JARID2: variants seen among roughly 807,000 people sequenced by gnomAD.
JARID2 encodes the protein protein Jumonji.
Under a neutral mutation model 125.6 loss-of-function variants are expected in JARID2, and 21 were observed. The ratio of observed to expected loss-of-function variants is 0.17; its 90% CI spans 0.12 to 0.24. The LOEUF is 0.24. JARID2 is among the 10% of genes least tolerant of loss of function. The pLI, the probability that JARID2 is intolerant of heterozygous loss-of-function variation, is 1.00. For synonymous variants in JARID2, 736 were observed against 661.6 expected (o/e 1.11, Z -1.73); for missense variants, 1,303 against 1,639.6 (o/e 0.79, Z 3.55).
At chr6:15,499,119 G>A (rs1031563004) in intron 7 of JARID2, among the ~76,000 whole-genome samples, 3 of 152,176 alleles carry the variant, frequency 2.0e-5, no homozygotes, top group African/African-American at 7.2e-5. Context: ...AGTCTAAGGC[G>A]TCTGACATTC....
intron 1 of JARID2, among the ~76,000 whole-genome samples, chr6:15,257,804 A>ATG (rs1223567052): frequency 7.9e-5 from 12 of 152,180 alleles, no homozygotes; most frequent in African/African-American, 2.4e-4. Context: ...AGTAGTAAAG[A>ATG]TGTCAGTTGA....
rs142198504 is a variant in JARID2 at position 15,451,032 on chromosome 6, G to A, written c.324-974G>A. Among the ~76,000 whole-genome samples the A allele has an allele frequency of 6.4e-3, 970 of 152,204 alleles. 15 individuals carry two copies. The highest frequency in any genetic ancestry group is 0.022 in the African/African-American group (907 of 41,530). ...ACCAAAATTAGCTGGGCGTGGTGGT[G>A]CACGCCTGTAATCCCAGCTACTCAG... is the stretch of plus-strand genomic sequence containing the variant. On this transcript the variant is annotated intron_variant, in intron 3 of 17. Coordinates refer to ENST00000341776, the MANE Select transcript of JARID2 (RefSeq NM_004973.4).
intron 3 of JARID2, among the ~76,000 whole-genome samples, chr6:15,414,986 G>A (rs1037930894): frequency 3.3e-5 from 5 of 152,076 alleles, no homozygotes; most frequent in South Asian, 2.1e-4. Flanking sequence ...TGTGTCCCTG[G>A]GTACTTGAGA....
chr6:15,511,737 C>T (rs139688538), intron 13 of JARID2, among the ~76,000 whole-genome samples: 1 of 152,190 alleles, frequency 6.6e-6, no homozygotes, highest in African/African-American at 2.4e-5. Flanking sequence ...TTCAGGAAGT[C>T]ATGGGGCTGG....
intron 1 of JARID2, among the ~76,000 whole-genome samples, chr6:15,289,663 G>A (rs1761133493): frequency 6.6e-6 from 1 of 152,114 alleles, no homozygotes; most frequent in Non-Finnish European, 1.5e-5. Context: ...GACCAGCTTT[G>A]TCAACAAGGT....
chr6:15,322,176 G>C (rs1762382550), intron 1 of JARID2, among the ~76,000 whole-genome samples: 1 of 152,158 alleles, frequency 6.6e-6, no homozygotes, highest in Admixed American at 6.5e-5. Context: ...ACACATAATT[G>C]TAATTTCAAA....
chr6:15,271,159 C>T (rs564900808), intron 1 of JARID2, among the ~76,000 whole-genome samples: 32 of 152,072 alleles, frequency 2.1e-4, no homozygotes, highest in South Asian at 4.2e-4. Flanking sequence ...TATACTTGTC[C>T]GATTGGAGAT....
At position 15,420,345 on chromosome 6, in the gene JARID2, G is replaced by A. The variant is rs374658341; in HGVS notation, c.323+9980G>A. Among the ~76,000 whole-genome samples, 3 of 151,420 alleles carry A rather than the reference G, an allele frequency of 2.0e-5. 1 individual carries two copies. Among genetic ancestry groups the A allele is most frequent in the African/African-American group, 7.3e-5 (3 of 41,242 alleles). On this transcript the variant is annotated intron_variant, in intron 3 of 17. Coordinates refer to ENST00000341776, the MANE Select transcript of JARID2 (RefSeq NM_004973.4). ...TTGAACCCAGGAGGCGGAGGTTGCAGTGAGCCAAGATCACACCACTGCACT... is the reference window on the plus strand; with the variant it reads ...TTGAACCCAGGAGGCGGAGGTTGCAATGAGCCAAGATCACACCACTGCACT...
chr6:15,415,290 C>T (rs1207767302), intron 3 of JARID2, among the ~76,000 whole-genome samples: 8 of 152,374 alleles, frequency 5.3e-5, no homozygotes, highest in East Asian at 1.9e-4. Flanking sequence ...TCCACAAAAC[C>T]GCCATTGTCA....
chr6:15,267,446 C>G (rs1166908984), intron 1 of JARID2, among the ~76,000 whole-genome samples: 1 of 152,088 alleles, frequency 6.6e-6, no homozygotes. Context: ...AGGAGGGAAC[C>G]GATACCTTCT....
intron 2 of JARID2, among the ~76,000 whole-genome samples, chr6:15,398,224 C>A (rs1765289955): frequency 6.6e-6 from 1 of 152,234 alleles, no homozygotes; most frequent in Non-Finnish European, 1.5e-5. Context: ...TTCTTTATAT[C>A]CTTAAAAATT....
intron 2 of JARID2, among the ~76,000 whole-genome samples, chr6:15,404,520 CACACACA>C (rs1561840084): frequency 8.8e-3 from 3 of 340 alleles, no homozygotes; most frequent in Non-Finnish European, 9.8e-3. Context: ...TCTTAAAGTG[CACACACA>C]CACACACACA....
At chr6:15,259,078 TTTA>T (rs1240791587) in intron 1 of JARID2, among the ~76,000 whole-genome samples, 8 of 152,224 alleles carry the variant, frequency 5.3e-5, no homozygotes, top group African/African-American at 1.9e-4. Flanking sequence ...GGATGGGATT[TTTA>T]TCTTCCCTCT....
At chr6:15,335,503 G>T (rs1165927172) in intron 1 of JARID2, among the ~76,000 whole-genome samples, 1 of 152,144 alleles carries the variant, frequency 6.6e-6, no homozygotes, top group South Asian at 2.1e-4. Context: ...CATTTGACAG[G>T]TTTGACTGTT....
chr6:15,386,757 A>G (rs763159207), intron 2 of JARID2, among the ~76,000 whole-genome samples: 5 of 152,234 alleles, frequency 3.3e-5, no homozygotes, highest in Non-Finnish European at 2.9e-5. Context: ...AGTGTTGGGG[A>G]CTGAAAGTGC....
chr6:15,274,021 C>T (rs753980672), intron 1 of JARID2, among the ~76,000 whole-genome samples: 4 of 151,830 alleles, frequency 2.6e-5, no homozygotes, highest in Non-Finnish European at 4.4e-5. Context: ...CTCTGCCTCC[C>T]GGGTTCAAGT....
intron 3 of JARID2, among the ~76,000 whole-genome samples, chr6:15,424,097 G>A (rs1383260605): frequency 1.3e-5 from 2 of 151,236 alleles, no homozygotes; most frequent in Non-Finnish European, 2.9e-5. Flanking sequence ...GCACACAGAC[G>A]TGGATAGACC....
chr6:15,481,090 C>A (rs17468929), intron 5 of JARID2, among the ~76,000 whole-genome samples: 1 of 152,172 alleles, frequency 6.6e-6, no homozygotes, highest in Non-Finnish European at 1.5e-5. Context: ...TCTTTTTCAT[C>A]CCTCATTGGG....
chr6:15,511,330 G>A lies in JARID2; in HGVS notation c.2881G>A (p.Glu961Lys). The change falls in exon 13 of 18, where the codon GAA becomes AAA. Residue 961 changes from glutamate to lysine, a missense_variant. Around this residue, in one of 11 missense-constraint regions of JARID2, gnomAD observed 190 missense variants for 341.4 expected, o/e 0.56. Coordinates refer to ENST00000341776, the MANE Select transcript of JARID2 (RefSeq NM_004973.4). ...TCCTGCTGAGGAGGAGAACAAGCTG[G>A]AAGATGTGGTCCACACCCTGCTGCA... ...CIPAEEENKL[E>K]DVVHTLLQAN... is the part of the protein sequence containing the mutation. 6.2e-7 allele frequency: 1 copy of A among 1,614,034 alleles called. No individual in the cohort carries two copies. Among genetic ancestry groups the A allele is most frequent in the Non-Finnish European group, 8.5e-7 (1 of 1,179,970 alleles).
Sources: gnomAD v4.1 joint callset for allele counts (sites outside exome capture counted in the v4.1 genomes callset) on GRCh38, gnomAD v4.1.1 for gene constraint, gnomAD v4.1.1 regional missense constraint, MANE v1.5 for transcripts, NCBI Gene and HGNC (gene_info 2026-07-23, HGNC 2026-07-21) for gene names.